The following NRG3 variants were observed in gnomAD, a reference collection of about 807,000 sequenced individuals.
NRG3 encodes the protein neuregulin 3.
Under a neutral mutation model 66.9 loss-of-function variants are expected in NRG3, and 31 were observed. That is an observed-to-expected ratio of 0.46 (90% CI 0.35 to 0.63). The LOEUF (loss-of-function observed/expected upper bound fraction) is 0.63. Among genes scored for constraint, NRG3 ranks in the 20% least tolerant of loss-of-function variants. The probability of loss-of-function intolerance (pLI) is 0.00; values close to 1 mark genes in which losing one functional copy is unlikely to be tolerated. For missense variants in NRG3, 910 were observed against 878.9 expected, an observed-to-expected ratio of 1.04 and a Z score of -0.45; for synonymous variants, 393 against 359.4, an observed-to-expected ratio of 1.09 and a Z score of -1.06.
chr10:82,369,752 A>G (rs1027561306), intron 2 of NRG3, among the ~76,000 whole-genome samples: 2 of 139,066 alleles, frequency 1.4e-5, no homozygotes, highest in African/African-American at 3.3e-5. Flanking sequence ...CAAGACTATC[A>G]TATACTATGT....
chr10:82,089,125 T>C (rs2065887157), intron 1 of NRG3, among the ~76,000 whole-genome samples: 4 of 152,092 alleles, frequency 2.6e-5, no homozygotes, highest in Admixed American at 2.6e-4. Context: ...AGTCTACAGT[T>C]AGTTTTAGGA....
intron 2 of NRG3, among the ~76,000 whole-genome samples, chr10:82,530,348 G>A (rs987630378): frequency 1.2e-4 from 18 of 151,894 alleles, no homozygotes; most frequent in Admixed American, 3.3e-4. Flanking sequence ...AAAAAGAAAA[G>A]CTATAGTTGT....
intron 2 of NRG3, among the ~76,000 whole-genome samples, chr10:82,512,949 T>G (rs554882258): frequency 4.6e-5 from 7 of 152,188 alleles, no homozygotes; most frequent in Non-Finnish European, 1.0e-4. Flanking sequence ...ATGCCACATA[T>G]TTTTTCCTTT....
chr10:82,149,920 C>T (rs1024784501), intron 1 of NRG3, among the ~76,000 whole-genome samples: 1 of 151,958 alleles, frequency 6.6e-6, no homozygotes, highest in South Asian at 2.1e-4. Context: ...TAGAATAAGC[C>T]GACCTTTAAC....
chr10:82,643,368 G>A (rs941459237), intron 2 of NRG3, among the ~76,000 whole-genome samples: 17 of 152,072 alleles, frequency 1.1e-4, no homozygotes, highest in African/African-American at 3.6e-4. Flanking sequence ...CATTTAAGAT[G>A]TGACTTGCTC....
At chr10:82,644,195 A>C (rs2050782237) in intron 2 of NRG3, among the ~76,000 whole-genome samples, 1 of 152,090 alleles carries the variant, frequency 6.6e-6, no homozygotes, top group Non-Finnish European at 1.5e-5. Flanking sequence ...CTGTGTTTTC[A>C]GCTCACCCCA....
chr10:82,938,562 C>T lies in NRG3; in HGVS notation c.1055-12907C>T, dbSNP rs572407739. On this transcript the variant is annotated intron_variant, in intron 4 of 8. Coordinates refer to ENST00000372141, the MANE Select transcript of NRG3 (RefSeq NM_001010848.4). ...TTTGCTGATTATGTTTGTAGATCTT[C>T]CAGGATCACTGCCAATACCTGTGGT... 5.3e-5 allele frequency among the ~76,000 whole-genome samples: 8 copies of T among 152,286 alleles called. No homozygotes were observed. In the East Asian group the frequency reaches 1.5e-3, roughly 29 times the overall value.
intron 1 of NRG3, among the ~76,000 whole-genome samples, chr10:82,044,893 A>G (rs2063206447): frequency 6.6e-6 from 1 of 151,890 alleles, no homozygotes; most frequent in African/African-American, 2.4e-5. Flanking sequence ...AAAGGATATG[A>G]ACTCATCATT....
intron 1 of NRG3, among the ~76,000 whole-genome samples, chr10:82,065,687 T>TA (rs1361191864): frequency 6.6e-6 from 1 of 152,014 alleles, no homozygotes; most frequent in African/African-American, 2.4e-5. Flanking sequence ...AGTTAGAAAA[T>TA]AAAAAAGGAG....
chr10:82,932,624 TCCGGAAACAC>T (rs1847682453), intron 4 of NRG3, among the ~76,000 whole-genome samples: 1 of 152,118 alleles, frequency 6.6e-6, no homozygotes, highest in African/African-American at 2.4e-5. Flanking sequence ...ATCAGATGAT[TCCGGAAACAC>T]TGACTGCTTC....
At chr10:82,458,018 T>C (rs2091350720) in intron 2 of NRG3, among the ~76,000 whole-genome samples, 1 of 152,162 alleles carries the variant, frequency 6.6e-6, no homozygotes, top group Non-Finnish European at 1.5e-5. Flanking sequence ...CCGTGGTGTG[T>C]GTGTTTGGGT....
intron 2 of NRG3, among the ~76,000 whole-genome samples, chr10:82,690,904 T>C (rs148040760): frequency 8.5e-5 from 13 of 152,300 alleles, no homozygotes; most frequent in Non-Finnish European, 1.8e-4. Context: ...TCAACACTCA[T>C]GTCTCCCTGA....
chr10:82,194,497 C>A (rs1431740308), intron 1 of NRG3, among the ~76,000 whole-genome samples: 1 of 152,072 alleles, frequency 6.6e-6, no homozygotes, highest in Non-Finnish European at 1.5e-5. Flanking sequence ...GCTTGTCTTC[C>A]TCTGTAATGG....
chr10:82,514,734 T>G (rs1040925651), intron 2 of NRG3, among the ~76,000 whole-genome samples: 4 of 152,178 alleles, frequency 2.6e-5, no homozygotes, highest in Non-Finnish European at 5.9e-5. Context: ...TTAAAGTAGT[T>G]TTTTCTAATT....
chr10:82,329,284 C>T (rs1430123433), intron 1 of NRG3, among the ~76,000 whole-genome samples: 3 of 151,982 alleles, frequency 2.0e-5, no homozygotes, highest in Non-Finnish European at 2.9e-5. Flanking sequence ...ATCCATTGTG[C>T]TCTTTTATAA....
At chr10:82,587,782 C>G (rs1379516021) in intron 2 of NRG3, among the ~76,000 whole-genome samples, 1 of 152,122 alleles carries the variant, frequency 6.6e-6, no homozygotes, top group Non-Finnish European at 1.5e-5. Flanking sequence ...TCAACCAGAG[C>G]TCCTGATATT....
intron 1 of NRG3, among the ~76,000 whole-genome samples, chr10:82,005,069 G>A (rs1276527126): frequency 6.6e-6 from 1 of 152,210 alleles, no homozygotes; most frequent in Non-Finnish European, 1.5e-5. Flanking sequence ...GTTTACAGAT[G>A]AGAACACTGA....
intron 1 of NRG3, among the ~76,000 whole-genome samples, chr10:82,082,205 C>T (rs2065435395): frequency 6.6e-6 from 1 of 152,122 alleles, no homozygotes; most frequent in African/African-American, 2.4e-5. Context: ...AAAAATGTCC[C>T]ACTCACTAGT....
intron 2 of NRG3, among the ~76,000 whole-genome samples, chr10:82,709,484 C>T (rs1308832646): frequency 6.6e-6 from 1 of 151,948 alleles, no homozygotes; most frequent in Non-Finnish European, 1.5e-5. Context: ...TGGGTTCAAG[C>T]GATTCTCCTG....
Sources: allele counts gnomAD v4.1 joint callset (sites outside exome capture counted in the v4.1 genomes callset), GRCh38; gene constraint gnomAD v4.1.1; transcripts MANE v1.5; gene names NCBI Gene and HGNC (gene_info 2026-07-23, HGNC 2026-07-21).